The following RGS7 variants were observed in gnomAD, a reference collection of about 807,000 sequenced individuals.
The protein encoded by RGS7 is regulator of G protein signaling 7.
RGS7 carries 27 observed loss-of-function variants against 81.1 expected under a neutral mutation model. That is an observed-to-expected ratio of 0.33 (90% CI 0.25 to 0.46). RGS7 has a LOEUF of 0.46. RGS7 is among the 20% of genes least tolerant of loss of function. RGS7 has a pLI of 1.00. For synonymous variants in RGS7, 208 were observed against 207.7 expected (o/e 1.00, Z -0.01); for missense variants, 396 against 607.4 (o/e 0.65, Z 3.66).
intron 2 of RGS7, among the ~76,000 whole-genome samples, chr1:241,199,183 G>T (rs2073304651): frequency 6.6e-6 from 1 of 151,962 alleles, no homozygotes; most frequent in Non-Finnish European, 1.5e-5. Flanking sequence ...AGACTTTATT[G>T]GCCGGTCTCA....
chr1:241,072,283 G>T (rs189517082), intron 3 of RGS7, among the ~76,000 whole-genome samples: 7 of 152,194 alleles, frequency 4.6e-5, no homozygotes, highest in Non-Finnish European at 8.8e-5. Flanking sequence ...TCCCACAAAA[G>T]CCATGTAGGC....
chr1:241,230,101 A>G, intron 2 of RGS7, among the ~76,000 whole-genome samples: 1 of 152,180 alleles, frequency 6.6e-6, no homozygotes, highest in East Asian at 1.9e-4. Context: ...TGTCCTTCTA[A>G]TATAAATCTG....
chr1:240,917,246 G>C (rs1464231308), intron 6 of RGS7, among the ~76,000 whole-genome samples: 1 of 152,116 alleles, frequency 6.6e-6, no homozygotes, highest in East Asian at 1.9e-4. Flanking sequence ...GCCTTGAAAA[G>C]AATGTTTAAA....
intron 2 of RGS7, among the ~76,000 whole-genome samples, chr1:241,185,948 G>C (rs1463875898): frequency 6.6e-6 from 1 of 152,040 alleles, no homozygotes; most frequent in African/African-American, 2.4e-5. Context: ...AAAACAAACA[G>C]AAGGAAAGAA....
chr1:241,108,218 G>A (rs2102937263), intron 2 of RGS7, among the ~76,000 whole-genome samples: 1 of 149,400 alleles, frequency 6.7e-6, no homozygotes, highest in South Asian at 2.1e-4. Context: ...CAGAAGAATC[G>A]CTTGAACCCG....
chr1:241,244,695 T>C (rs1398737747), intron 2 of RGS7, among the ~76,000 whole-genome samples: 2 of 151,990 alleles, frequency 1.3e-5, no homozygotes, highest in Non-Finnish European at 2.9e-5. Flanking sequence ...AGCAAAGACT[T>C]GGAACCAAGC....
At chr1:240,784,769 A>T (rs1181065233) in intron 18 of RGS7, among the ~76,000 whole-genome samples, 1 of 151,052 alleles carries the variant, frequency 6.6e-6, no homozygotes, top group Non-Finnish European at 1.5e-5. Context: ...GTTGCTGTAG[A>T]CTGGGATGGA....
At chr1:241,182,385 C>G (rs2071695407) in intron 2 of RGS7, among the ~76,000 whole-genome samples, 1 of 152,168 alleles carries the variant, frequency 6.6e-6, no homozygotes, top group South Asian at 2.1e-4. Context: ...ATGCACCTCA[C>G]CAGGCAACTG....
At chr1:241,049,873 T>A (rs370109112) in intron 3 of RGS7, among the ~76,000 whole-genome samples, 2 of 152,314 alleles carry the variant, frequency 1.3e-5, no homozygotes, top group East Asian at 1.9e-4. Flanking sequence ...TGGGTCACAC[T>A]GTACTAACCC....
At chr1:241,129,565 A>G (rs1455730707) in intron 2 of RGS7, among the ~76,000 whole-genome samples, 1 of 152,238 alleles carries the variant, frequency 6.6e-6, no homozygotes, top group Non-Finnish European at 1.5e-5. Context: ...TTTAGGTCAC[A>G]ACAGCTAGAA....
chr1:241,016,423 C>T (rs1381824882), intron 3 of RGS7, among the ~76,000 whole-genome samples: 1 of 152,022 alleles, frequency 6.6e-6, no homozygotes, highest in Non-Finnish European at 1.5e-5. Flanking sequence ...GAGGCTGAGG[C>T]AGAAGAATCA....
chr1:241,041,103 A>G (rs1187442175), intron 3 of RGS7, among the ~76,000 whole-genome samples: 3 of 152,226 alleles, frequency 2.0e-5, no homozygotes, highest in African/African-American at 7.2e-5. Flanking sequence ...TTAAATGTAT[A>G]TATTTATTCT....
At chr1:241,041,081 T>C (rs145052180) in intron 3 of RGS7, among the ~76,000 whole-genome samples, 395 of 152,310 alleles carry the variant, frequency 2.6e-3, no homozygotes, top group African/African-American at 9.0e-3. Context: ...TCTCAGAAAA[T>C]GTAAAATGCT....
At chr1:241,292,262 T>C (rs924258930) in intron 2 of RGS7, among the ~76,000 whole-genome samples, 4 of 152,204 alleles carry the variant, frequency 2.6e-5, no homozygotes, top group Non-Finnish European at 4.4e-5. Flanking sequence ...ATAAAAACTA[T>C]AGTATAGTAA....
intron 2 of RGS7, among the ~76,000 whole-genome samples, chr1:241,309,440 A>G (rs1426371549): frequency 6.6e-6 from 1 of 152,026 alleles, no homozygotes; most frequent in Non-Finnish European, 1.5e-5. Flanking sequence ...AATAAACAAC[A>G]TAAGGTGTCT....
chr1:241,195,219 T>G (rs983293789), intron 2 of RGS7, among the ~76,000 whole-genome samples: 1 of 152,192 alleles, frequency 6.6e-6, no homozygotes, highest in Non-Finnish European at 1.5e-5. Flanking sequence ...CTCACGCCTG[T>G]AATGCCAGCA....
rs534831202 is a variant in RGS7, at chr1:241,081,735, T to A, written c.175+16931A>T. Among the ~76,000 whole-genome samples the A allele has an allele frequency of 3.3e-5, 5 of 152,356 alleles. No individual in the cohort carries two copies. In the South Asian group the frequency reaches 8.3e-4, roughly 25 times the overall value. On this transcript the variant is annotated intron_variant, in intron 3 of 18. Transcript: ENST00000440928. ...AGAGTACTTAAGGATAGGCAAACAG[T>A]ATTCTGTAGGCACAGTGATATATGT...
Position 241,087,528 on chromosome 1 carries a change from C to T in RGS7, c.175+11138G>A, listed in dbSNP as rs561828968. Among the ~76,000 whole-genome samples the T allele has an allele frequency of 2.0e-5, 3 of 152,242 alleles. No individual in the cohort carries two copies. In the South Asian group the frequency reaches 6.2e-4, roughly 32 times the overall value. The stretch of plus-strand genomic sequence containing the variant: ...GGTACAGGGGTTAGCAGAGTGGGTA[C>T]ATGGAAGCTTCCTGTAGTTTACACT... On this transcript the variant is annotated intron_variant, in intron 3 of 18. Transcript: ENST00000440928.
chr1:240,777,775 A>G (rs1683222467), intron 18 of RGS7, among the ~76,000 whole-genome samples: 1 of 152,180 alleles, frequency 6.6e-6, no homozygotes, highest in African/African-American at 2.4e-5. Flanking sequence ...GACCTATCTG[A>G]TAAAGGCTCC....
Sources: gnomAD v4.1 joint callset for allele counts (sites outside exome capture counted in the v4.1 genomes callset) on GRCh38, gnomAD v4.1.1 for gene constraint, MANE v1.5 for transcripts, NCBI Gene and HGNC (gene_info 2026-07-23, HGNC 2026-07-21) for gene names.